ADGRB3: variants seen among roughly 807,000 people sequenced by gnomAD.
ADGRB3 encodes adhesion G protein-coupled receptor B3, also known as brain-specific angiogenesis inhibitor 3.
Under a neutral mutation model 193.4 loss-of-function variants are expected in ADGRB3, and 37 were observed. The observed-to-expected ratio is 0.19, with a 90% CI of 0.15 to 0.25. The LOEUF is 0.25. Ranked by LOEUF, ADGRB3 falls within the 10% of genes least tolerant of loss-of-function variation. The pLI, the probability that ADGRB3 is intolerant of heterozygous loss-of-function variation, is 1.00. For missense variants in ADGRB3, 1,637 were observed against 1,852.9 expected (o/e 0.88, Z 2.14); for synonymous variants, 690 against 644.2 (o/e 1.07, Z -1.08).
chr6:69,343,790 C>G (rs1232220674), intron 26 of ADGRB3, among the ~76,000 whole-genome samples: 1 of 151,976 alleles, frequency 6.6e-6, no homozygotes, highest in Non-Finnish European at 1.5e-5. Context: ...GTTTTAGCAA[C>G]AGAACCTAAA....
At chr6:69,143,092 A>G (rs1774385843) in intron 17 of ADGRB3, among the ~76,000 whole-genome samples, 1 of 152,100 alleles carries the variant, frequency 6.6e-6, no homozygotes, top group Non-Finnish European at 1.5e-5. Context: ...GGGTGAGATG[A>G]TATCTCATTG....
chr6:68,681,339 T>C (rs1582119947), intron 3 of ADGRB3, among the ~76,000 whole-genome samples: 1 of 152,186 alleles, frequency 6.6e-6, no homozygotes, highest in East Asian at 1.9e-4. Context: ...TATTTTGTTT[T>C]GTAGAGACAG....
intron 3 of ADGRB3, among the ~76,000 whole-genome samples, chr6:68,921,004 G>A (rs920841102): frequency 6.6e-6 from 1 of 151,934 alleles, no homozygotes; most frequent in Non-Finnish European, 1.5e-5. Flanking sequence ...TAAAAAATTA[G>A]GGTATAACAC....
At chr6:69,134,099 T>A (rs1224144566) in intron 17 of ADGRB3, among the ~76,000 whole-genome samples, 2 of 152,120 alleles carry the variant, frequency 1.3e-5, no homozygotes, top group African/African-American at 4.8e-5. Context: ...ATGAGCATTT[T>A]GGCTGGTTTC....
At chr6:68,749,635 A>C (rs1038908312) in intron 3 of ADGRB3, among the ~76,000 whole-genome samples, 4 of 152,134 alleles carry the variant, frequency 2.6e-5, no homozygotes, top group African/African-American at 9.7e-5. Flanking sequence ...ATAGTTATTA[A>C]ATTTCATAAA....
At chr6:69,374,691 T>C (rs1769777393) in intron 30 of ADGRB3, among the ~76,000 whole-genome samples, 1 of 152,082 alleles carries the variant, frequency 6.6e-6, no homozygotes, top group South Asian at 2.1e-4. Context: ...CAGAAAATAC[T>C]GTAGTGATAT....
chr6:68,827,413 G>C (rs186479083), intron 3 of ADGRB3, among the ~76,000 whole-genome samples: 1 of 151,996 alleles, frequency 6.6e-6, no homozygotes, highest in Non-Finnish European at 1.5e-5. Context: ...TGGGGCCATC[G>C]GTAGGTAGGG....
At chr6:68,697,645 A>G (rs1455871089) in intron 3 of ADGRB3, among the ~76,000 whole-genome samples, 1 of 151,956 alleles carries the variant, frequency 6.6e-6, no homozygotes, top group African/African-American at 2.4e-5. Context: ...CTTCTCTTTT[A>G]GTGAAACAAA....
chr6:68,894,997 C>G (rs1426290603), intron 3 of ADGRB3, among the ~76,000 whole-genome samples: 2 of 151,678 alleles, frequency 1.3e-5, no homozygotes, highest in African/African-American at 2.4e-5. Context: ...CTGCTTTTGT[C>G]AAAATCAAAA....
chr6:69,158,666 A>G (rs1328068557), intron 17 of ADGRB3, among the ~76,000 whole-genome samples: 1 of 152,116 alleles, frequency 6.6e-6, no homozygotes, highest in East Asian at 1.9e-4. Flanking sequence ...GGATGCCCTC[A>G]TTTCATAAGT....
chr6:69,143,220 A>C (rs921931751), intron 17 of ADGRB3, among the ~76,000 whole-genome samples: 2 of 152,086 alleles, frequency 1.3e-5, no homozygotes, highest in Admixed American at 6.6e-5. Context: ...GCTCATTTTA[A>C]TTGAATTCAC....
chr6:68,824,560 A>C (rs1447878127), intron 3 of ADGRB3, among the ~76,000 whole-genome samples: 4 of 148,410 alleles, frequency 2.7e-5, no homozygotes, highest in Admixed American at 6.8e-5. Context: ...CATATAATAT[A>C]GCACAATATG....
intron 17 of ADGRB3, among the ~76,000 whole-genome samples, chr6:69,143,133 A>G (rs771722753): frequency 3.3e-5 from 5 of 152,182 alleles, no homozygotes; most frequent in African/African-American, 7.2e-5. Flanking sequence ...CTGATGATCA[A>G]TGATATTGAG....
chr6:69,098,307 A>G (rs1390289685), intron 17 of ADGRB3, among the ~76,000 whole-genome samples: 1 of 152,192 alleles, frequency 6.6e-6, no homozygotes, highest in Non-Finnish European at 1.5e-5. Flanking sequence ...GACTCTATGA[A>G]AACAGAAAAA....
intron 22 of ADGRB3, among the ~76,000 whole-genome samples, chr6:69,328,809 A>G (rs573923806): frequency 2.6e-5 from 4 of 152,294 alleles, no homozygotes; most frequent in African/African-American, 9.6e-5. Flanking sequence ...ATGGCACAGT[A>G]CTGGTTACTA....
chr6:69,274,475 T>TC (rs1767250833), intron 20 of ADGRB3, among the ~76,000 whole-genome samples: 2 of 115,984 alleles, frequency 1.7e-5, no homozygotes, highest in South Asian at 2.5e-4. Flanking sequence ...CTTCCTTCCT[T>TC]CCTCCCTCCC....
At chr6:68,650,568 T>A (rs1768339127) in intron 3 of ADGRB3, among the ~76,000 whole-genome samples, 1 of 152,138 alleles carries the variant, frequency 6.6e-6, no homozygotes, top group Admixed American at 6.6e-5. Flanking sequence ...TATATCATTT[T>A]AAAAATGGAA....
chr6:68,811,651 G>T lies in ADGRB3; in HGVS notation c.758-118908G>T, dbSNP rs186174890. On this transcript the variant is annotated intron_variant, in intron 3 of 31. Coordinates refer to ENST00000370598, the MANE Select transcript of ADGRB3 (RefSeq NM_001704.3). ...GCCTGGCTAATTTTTTGTATTTTTA[G>T]TAGAGACAGGGTTTCACCATGTTGG... Among the ~76,000 whole-genome samples, 192 of 152,146 alleles carry T rather than the reference G, an allele frequency of 1.3e-3. 1 individual carries two copies. The highest frequency in any genetic ancestry group is 4.3e-3 in the African/African-American group (178 of 41,534).
intron 3 of ADGRB3, among the ~76,000 whole-genome samples, chr6:68,679,573 C>G (rs1467218935): frequency 3.3e-5 from 5 of 151,964 alleles, no homozygotes; most frequent in Non-Finnish European, 7.4e-5. Context: ...AAAGGAGAAG[C>G]ACAAATTTTG....
Sources: gnomAD v4.1 joint callset for allele counts (sites outside exome capture counted in the v4.1 genomes callset) on GRCh38, gnomAD v4.1.1 for gene constraint, MANE v1.5 for transcripts, NCBI Gene and HGNC (gene_info 2026-07-23, HGNC 2026-07-21) for gene names.